Variants in FSTL5 observed in about 807,000 individuals in gnomAD.
The protein encoded by FSTL5 is follistatin like 5.
Under a neutral mutation model 89.1 loss-of-function variants are expected in FSTL5, and 62 were observed. The observed-to-expected ratio is 0.70, with a 90% CI of 0.57 to 0.86. The LOEUF (loss-of-function observed/expected upper bound fraction) is 0.86, where lower values mean the gene tolerates loss of function less well. FSTL5 is among the 40% of genes least tolerant of loss of function. The pLI, the probability that FSTL5 is intolerant of heterozygous loss-of-function variation, is 0.00. For synonymous variants in FSTL5, 383 were observed against 346.2 expected (o/e 1.11, Z -1.18); for missense variants, 1,057 against 1,001.6 (o/e 1.06, Z -0.75).
chr4:161,460,327 G>A (rs1733514980), intron 13 of FSTL5, among the ~76,000 whole-genome samples: 1 of 150,540 alleles, frequency 6.6e-6, no homozygotes, highest in Non-Finnish European at 1.5e-5. Flanking sequence ...CCATGTTGGT[G>A]TGCTGCACCC....
intron 2 of FSTL5, among the ~76,000 whole-genome samples, chr4:162,036,113 C>T (rs558731429): frequency 2.0e-5 from 3 of 152,064 alleles, no homozygotes; most frequent in African/African-American, 4.8e-5. Flanking sequence ...TTAGCAATCT[C>T]GTCTAATCTC....
At chr4:161,937,243 A>G (rs1177369174) in intron 3 of FSTL5, among the ~76,000 whole-genome samples, 2 of 152,140 alleles carry the variant, frequency 1.3e-5, no homozygotes, top group African/African-American at 4.8e-5. Context: ...ATAAAAATCA[A>G]TGATGTAACA....
intron 15 of FSTL5, among the ~76,000 whole-genome samples, chr4:161,450,930 G>A (rs1733142631): frequency 6.6e-6 from 1 of 151,856 alleles, no homozygotes; most frequent in African/African-American, 2.4e-5. Flanking sequence ...ATTTTCAGTA[G>A]AGACGAGGTT....
intron 7 of FSTL5, among the ~76,000 whole-genome samples, chr4:161,621,080 C>T (rs1468581656): frequency 2.0e-5 from 3 of 152,258 alleles, no homozygotes; most frequent in African/African-American, 7.2e-5. Flanking sequence ...AGAAAACATA[C>T]TCTTGCAAGG....
intron 6 of FSTL5, among the ~76,000 whole-genome samples, chr4:161,693,331 T>C (rs1738018366): frequency 6.6e-6 from 1 of 152,318 alleles, no homozygotes; most frequent in Admixed American, 6.5e-5. Flanking sequence ...AATATTATGA[T>C]GTGTTTCCTC....
At chr4:161,810,546 C>T (rs916612761) in intron 4 of FSTL5, among the ~76,000 whole-genome samples, 1 of 152,036 alleles carries the variant, frequency 6.6e-6, no homozygotes, top group Non-Finnish European at 1.5e-5. Context: ...ATTAATTTGG[C>T]AATTGGTGCA....
intron 7 of FSTL5, among the ~76,000 whole-genome samples, chr4:161,621,267 TACACACACACACACACACAC>T (rs146037793): frequency 6.8e-6 from 1 of 146,078 alleles, no homozygotes; most frequent in Non-Finnish European, 1.5e-5. Context: ...ATGTAAAGAC[TACACACACACACACACACAC>T]ACACACACAC....
intron 2 of FSTL5, among the ~76,000 whole-genome samples, chr4:162,053,458 G>C (rs1049354617): frequency 1.3e-5 from 2 of 151,728 alleles, no homozygotes; most frequent in Non-Finnish European, 3.0e-5. Flanking sequence ...TTCTCAAAGA[G>C]AACTAGACAA....
In FSTL5 at chr4:161,933,424, T is replaced by C. The variant is rs538507704; in HGVS notation, c.161-12772A>G. ...GAAAAAGATACTAAGATACATGTCA[T>C]GTGCTTAGGTCCTGAAGCCTTATAT... On this transcript the variant is annotated intron_variant, in intron 3 of 15. Transcript: ENST00000306100. 2.6e-5 allele frequency among the ~76,000 whole-genome samples: 4 copies of C among 152,258 alleles called. No individual in the cohort carries two copies. The South Asian group carries it at 6.2e-4, about 24-fold the overall frequency.
intron 1 of FSTL5, among the ~76,000 whole-genome samples, chr4:162,149,392 C>T (rs1298223161): frequency 6.6e-6 from 1 of 151,868 alleles, no homozygotes; most frequent in African/African-American, 2.4e-5. Context: ...AAAAATTTAG[C>T]CAGGTGTGGT....
intron 15 of FSTL5, among the ~76,000 whole-genome samples, chr4:161,439,843 G>C (rs1460327359): frequency 6.6e-6 from 1 of 152,108 alleles, no homozygotes; most frequent in Non-Finnish European, 1.5e-5. Flanking sequence ...TAGACATCAA[G>C]TTACAGAGGT....
At chr4:161,937,372 T>G (rs1386717732) in intron 3 of FSTL5, among the ~76,000 whole-genome samples, 2 of 152,068 alleles carry the variant, frequency 1.3e-5, no homozygotes, top group Non-Finnish European at 2.9e-5. Context: ...ATTAATAAAA[T>G]TATTAAAATA....
chr4:161,629,448 T>C (rs1354602207), intron 7 of FSTL5, among the ~76,000 whole-genome samples: 3 of 152,104 alleles, frequency 2.0e-5, no homozygotes, highest in Non-Finnish European at 4.4e-5. Context: ...GTTCAAGCCA[T>C]TCTCCTGTCT....
At chr4:161,865,024 CAG>C (rs1732036967) in intron 4 of FSTL5, among the ~76,000 whole-genome samples, 2 of 151,956 alleles carry the variant, frequency 1.3e-5, no homozygotes, top group East Asian at 3.9e-4. Context: ...CAGAGATACG[CAG>C]AGTTACATAG....
rs76168070 is a variant in FSTL5, at chr4:161,710,804, T to C, written c.727+48607A>G. 9.2e-5 allele frequency among the ~76,000 whole-genome samples: 14 copies of C among 152,324 alleles called. No homozygotes were observed. In the East Asian group the frequency reaches 1.2e-3, roughly 13 times the overall value. On this transcript the variant is annotated intron_variant, in intron 6 of 15. Coordinates refer to ENST00000306100, the MANE Select transcript of FSTL5 (RefSeq NM_020116.5). ...GTATAATCTGATTAATTTATATGTA[T>C]ATGATAAGCCTTAGAACAATCAATA...
intron 3 of FSTL5, among the ~76,000 whole-genome samples, chr4:161,935,412 GAT>G (rs1391607205): frequency 6.6e-6 from 1 of 152,112 alleles, no homozygotes; most frequent in Middle Eastern, 3.2e-3. Context: ...TTTCTGAAAA[GAT>G]AGATTTATAC....
intron 15 of FSTL5, among the ~76,000 whole-genome samples, chr4:161,415,847 T>A (rs1194253396): frequency 7.8e-6 from 1 of 128,394 alleles, no homozygotes; most frequent in African/African-American, 2.9e-5. Context: ...TATATATATA[T>A]ATCATTTCAA....
intron 7 of FSTL5, among the ~76,000 whole-genome samples, chr4:161,650,174 A>G (rs1736287897): frequency 6.6e-6 from 1 of 152,318 alleles, no homozygotes; most frequent in Non-Finnish European, 1.5e-5. Flanking sequence ...GAACAATGAG[A>G]AAACAATAGA....
At chr4:161,726,909 A>C (rs1031704642) in intron 6 of FSTL5, among the ~76,000 whole-genome samples, 1 of 94,632 alleles carries the variant, frequency 1.1e-5, no homozygotes, top group African/African-American at 2.7e-5. Flanking sequence ...AGCAAAAAAA[A>C]AAAATATATA....
Sources: allele counts gnomAD v4.1 joint callset (sites outside exome capture counted in the v4.1 genomes callset), GRCh38; gene constraint gnomAD v4.1.1; transcripts MANE v1.5; gene names NCBI Gene and HGNC (gene_info 2026-07-23, HGNC 2026-07-21).